Variants in ITGA1 observed in about 807,000 individuals in gnomAD.
The protein encoded by ITGA1 is integrin alpha-1.
ITGA1 carries 85 observed loss-of-function variants against 145.9 expected under a neutral mutation model. The observed-to-expected ratio is 0.58, with a 90% CI of 0.49 to 0.70. The LOEUF (loss-of-function observed/expected upper bound fraction) is 0.70. Among genes scored for constraint, ITGA1 ranks in the 30% least tolerant of loss-of-function variants. The pLI, the probability that ITGA1 is intolerant of heterozygous loss-of-function variation, is 0.00. For synonymous variants in ITGA1, 520 were observed against 495.3 expected, an observed-to-expected ratio of 1.05 and a Z score of -0.66; for missense variants, 1,351 against 1,418.7, an observed-to-expected ratio of 0.95 and a Z score of 0.77.
At chr5:52,863,803 C>A (rs762014942) in intron 3 of ITGA1, among the ~76,000 whole-genome samples, 1 of 152,102 alleles carries the variant, frequency 6.6e-6, no homozygotes. Context: ...TTTTCTGGGT[C>A]AAGCTTTGTA....
chr5:52,924,056 G>A (rs527262948), intron 18 of ITGA1, among the ~76,000 whole-genome samples: 1 of 152,144 alleles, frequency 6.6e-6, no homozygotes, highest in Non-Finnish European at 1.5e-5. Flanking sequence ...GTGGAGTGAG[G>A]GGAGAGAAGA....
At chr5:52,795,538 C>G (rs1023005862) in intron 1 of ITGA1, among the ~76,000 whole-genome samples, 1 of 151,854 alleles carries the variant, frequency 6.6e-6, no homozygotes, top group Non-Finnish European at 1.5e-5. Context: ...TAATTCAACT[C>G]ACCAATGAGG....
At position 52,905,809 on chromosome 5, in the gene ITGA1, T is replaced by C; in HGVS notation, c.1356T>C (p.Tyr452=). 1 of 1,613,850 alleles carries C rather than the reference T, an allele frequency of 6.2e-7. No homozygotes were observed. Among genetic ancestry groups the C allele is most frequent in the Non-Finnish European group, 8.5e-7 (1 of 1,179,850 alleles). The change falls in exon 12 of 29, where the codon TAT becomes TAC. Residue 452 remains tyrosine (Y), a synonymous_variant. Coordinates refer to ENST00000282588, the MANE Select transcript of ITGA1 (RefSeq NM_181501.2). The stretch of plus-strand genomic sequence containing the variant: ...CTGCTTCTTCTGGAGATGTGCTCTA[T>C]ATTGCTGGACAGCCTCGGTACAATC... The part of the protein sequence containing the change: ...SATASSGDVL[Y]IAGQPRYNHT...
chr5:52,936,890 G>GATGGA (rs142038775), intron 23 of ITGA1, among the ~76,000 whole-genome samples: 9,773 of 152,076 alleles, frequency 0.064, 537 homozygotes, highest in Admixed American at 0.18. Context: ...AAGCAGATGG[G>GATGGA]AGTCTGGTTT....
At chr5:52,941,397 A>G (rs1561255838) in intron 26 of ITGA1, among the ~76,000 whole-genome samples, 1 of 152,194 alleles carries the variant, frequency 6.6e-6, no homozygotes, top group Non-Finnish European at 1.5e-5. Flanking sequence ...CCAACAGTGT[A>G]TAAGCTTTTC....
intron 1 of ITGA1, among the ~76,000 whole-genome samples, chr5:52,840,892 G>A (rs569111558): frequency 1.3e-5 from 2 of 152,200 alleles, no homozygotes; most frequent in South Asian, 4.1e-4. Context: ...TTTGTATCAA[G>A]AACTATACTT....
intron 21 of ITGA1, among the ~76,000 whole-genome samples, chr5:52,930,735 T>G (rs564814311): frequency 1.8e-4 from 28 of 152,200 alleles, no homozygotes; most frequent in Non-Finnish European, 2.5e-4. Context: ...ATATATAGCT[T>G]GATTAAAAAG....
At chr5:52,896,699 T>C (rs1158728085) in intron 9 of ITGA1, among the ~76,000 whole-genome samples, 2 of 152,184 alleles carry the variant, frequency 1.3e-5, no homozygotes, top group Admixed American at 6.5e-5. Flanking sequence ...CCTCAGGAAA[T>C]TGTGGCTTTG....
chr5:52,812,690 T>C (rs1331600278), intron 1 of ITGA1, among the ~76,000 whole-genome samples: 3 of 151,768 alleles, frequency 2.0e-5, no homozygotes, highest in Non-Finnish European at 1.5e-5. Flanking sequence ...ATGATAAAAC[T>C]GCTCTCATAG....
At chr5:52,925,195 C>A (rs1750785117) in intron 18 of ITGA1, 83 bp from the exon 19 acceptor site, 2 of 999,454 alleles carry the variant, frequency 2.0e-6, no homozygotes, top group Non-Finnish European at 3.1e-6. Context: ...TGGCTGTATG[C>A]CATTTTTGTT....
At chr5:52,926,924 G>A (rs1268565689) in intron 19 of ITGA1, among the ~76,000 whole-genome samples, 1 of 152,098 alleles carries the variant, frequency 6.6e-6, no homozygotes, top group Non-Finnish European at 1.5e-5. Context: ...GAGATGCGAA[G>A]ATAAAACCTT....
chr5:52,867,822 C>A (rs567967958), intron 6 of ITGA1, among the ~76,000 whole-genome samples: 1 of 152,078 alleles, frequency 6.6e-6, no homozygotes, highest in African/African-American at 2.4e-5. Context: ...ACACACAGCT[C>A]TCTAATTGTA....
chr5:52,951,782 T>C (rs1266430912), intron 28 of ITGA1, among the ~76,000 whole-genome samples: 5 of 152,308 alleles, frequency 3.3e-5, no homozygotes, highest in African/African-American at 1.2e-4. Flanking sequence ...GAAGAGACAA[T>C]GCTAGCTAAT....
chr5:52,942,351 A>T (rs879860818), intron 26 of ITGA1, among the ~76,000 whole-genome samples: 5 of 152,150 alleles, frequency 3.3e-5, no homozygotes, highest in Admixed American at 1.3e-4. Flanking sequence ...TGTTAAATCT[A>T]TACATTGCTT....
intron 1 of ITGA1, among the ~76,000 whole-genome samples, chr5:52,848,948 G>A (rs992231901): frequency 1.4e-4 from 21 of 152,096 alleles, no homozygotes; most frequent in Non-Finnish European, 2.2e-4. Flanking sequence ...TGGTGTATAT[G>A]TACTACATTT....
At chr5:52,894,788 G>A (rs1411094317) in intron 9 of ITGA1, among the ~76,000 whole-genome samples, 2 of 151,930 alleles carry the variant, frequency 1.3e-5, no homozygotes, top group Non-Finnish European at 2.9e-5. Context: ...ATTGATAATA[G>A]GAAACAGAAA....
intron 15 of ITGA1, among the ~76,000 whole-genome samples, chr5:52,915,958 T>G (rs1750640670): frequency 1.3e-5 from 2 of 152,182 alleles, no homozygotes; most frequent in Admixed American, 6.5e-5. Flanking sequence ...GACTTTGTAT[T>G]CATTTACCTG....
rs183209907 is a variant in ITGA1, at chr5:52,936,810, A to G, written c.2965-591A>G. Reference sequence around the variant, plus strand: ...GGAGACTGAGATGAAAGTAAATCTGACTCTCATAAAACCAGATTATCAACA... The same window carrying G: ...GGAGACTGAGATGAAAGTAAATCTGGCTCTCATAAAACCAGATTATCAACA... On this transcript the variant is annotated intron_variant, in intron 23 of 28. Coordinates refer to ENST00000282588, the MANE Select transcript of ITGA1 (RefSeq NM_181501.2). Among the ~76,000 whole-genome samples, 76 of 152,136 alleles carry G rather than the reference A, an allele frequency of 5.0e-4. 1 individual carries two copies. The highest frequency in any genetic ancestry group is 3.4e-3 in the Middle Eastern group (1 of 292).
At chr5:52,941,116 T>C (rs114344125) in intron 26 of ITGA1, among the ~76,000 whole-genome samples, 2,655 of 152,306 alleles carry the variant, frequency 0.017, 89 homozygotes, top group East Asian at 0.15. Flanking sequence ...GATTTTGTTC[T>C]TTTTTATGGC....
Sources: allele counts gnomAD v4.1 joint callset (sites outside exome capture counted in the v4.1 genomes callset), GRCh38; gene constraint gnomAD v4.1.1; transcripts MANE v1.5; gene names NCBI Gene and HGNC (gene_info 2026-07-23, HGNC 2026-07-21).